Variants in CPEB2 observed in about 807,000 individuals in gnomAD.
CPEB2 encodes the protein cytoplasmic polyadenylation element binding protein 2.
In CPEB2, 56 loss-of-function variants were observed where a neutral mutation model predicts 93.6. The observed-to-expected ratio is 0.60, with a 90% confidence interval of 0.48 to 0.75. CPEB2 has a LOEUF of 0.75. Ranked by LOEUF, CPEB2 falls within the 30% of genes least tolerant of loss-of-function variation. CPEB2 has a pLI of 0.00. For synonymous variants in CPEB2, 764 were observed against 586.3 expected, an observed-to-expected ratio of 1.30 and a Z score of -4.38; for missense variants, 1,579 against 1,395.1, an observed-to-expected ratio of 1.13 and a Z score of -2.10.
At chr4:15,006,833 A>G (rs1238549209) in intron 1 of CPEB2, among the ~76,000 whole-genome samples, 1 of 152,200 alleles carries the variant, frequency 6.6e-6, no homozygotes, top group Non-Finnish European at 1.5e-5. Context: ...TAGTAGTGCA[A>G]CTTGTTTTGG....
Position 15,003,723 on chromosome 4 carries a change from G to GGGCGGC in CPEB2, c.1065_1070dup (p.Gly359_Gly360dup), listed in dbSNP as rs527630065. The GGGCGGC allele has an allele frequency of 6.8e-4, 890 of 1,305,802 alleles. 4 individuals are homozygous for GGGCGGC. The highest frequency in any genetic ancestry group is 4.3e-3 in the East Asian group (133 of 30,808). The allele number at this position is 1,305,802 out of a possible 1,614,324, so 80.9% of individuals were successfully genotyped here. A position where few individuals can be genotyped will look rare whatever the true frequency, so the allele number is the denominator to read the frequency against. ...TGCAGAGCCCGGACCTTCCACACCC[G>GGGCGGC]GGCGGCGGCGGCGGCGGCGGGGGCG... On this transcript the variant is annotated inframe_insertion, in exon 1 of 12. Coordinates refer to ENST00000538197, the MANE Select transcript of CPEB2 (RefSeq NM_001177382.2).
chr4:15,063,424 CTT>C (rs1729395104), intron 11 of CPEB2, among the ~76,000 whole-genome samples: 1 of 151,096 alleles, frequency 6.6e-6, no homozygotes, highest in African/African-American at 2.4e-5. Flanking sequence ...GCATACGTAA[CTT>C]TTCTGAACTT....
chr4:15,043,142 C>G (rs1045468996), intron 6 of CPEB2, among the ~76,000 whole-genome samples: 2 of 152,144 alleles, frequency 1.3e-5, no homozygotes, highest in African/African-American at 4.8e-5. Flanking sequence ...AAACTGTTTT[C>G]ATTTAAAAGA....
rs1405559060 is a variant in CPEB2, at chr4:15,068,742, TTCTTA to T, written c.*2363_*2367del. The T allele has an allele frequency of 1.1e-4, 17 of 152,252 alleles. No homozygotes were observed. The highest frequency in any genetic ancestry group is 1.2e-4 in the Non-Finnish European group (8 of 67,814). 9.4% of individuals were successfully genotyped at this position (152,252 alleles called of 1,614,324 possible). On this transcript the variant is annotated 3_prime_UTR_variant, in exon 12 of 12. Transcript: ENST00000538197. ...TGGAGATGTTGAAAATCATTTTCCCTTCTTAAACAGAAATAAATATTTGGAATGAA... is the reference window on the plus strand; with the variant it reads ...TGGAGATGTTGAAAATCATTTTCCCTAACAGAAATAAATATTTGGAATGAA...
intron 1 of CPEB2, chr4:15,005,116 G>A (rs1159253968): frequency 1.3e-5 from 2 of 152,244 alleles, no homozygotes; most frequent in African/African-American, 4.8e-5. Context: ...CCTCCTCGCA[G>A]GACCTGGTTC....
intron 6 of CPEB2, among the ~76,000 whole-genome samples, chr4:15,041,685 G>A (rs528600909): frequency 1.1e-4 from 16 of 152,120 alleles, no homozygotes; most frequent in Admixed American, 1.0e-3. Context: ...TTACAGGCAT[G>A]AGCCACCTAT....
At position 15,052,995 on chromosome 4, in the gene CPEB2, G is replaced by GTT. The variant is rs368259075; in HGVS notation, c.2371+413_2371+414dup. On this transcript the variant is annotated intron_variant, in intron 7 of 11. Coordinates refer to ENST00000538197, the MANE Select transcript of CPEB2 (RefSeq NM_001177382.2). ...TATCTGCAATGCTTGGTAATCAAAA[G>GTT]TTTATTTTTATTTTTATTTATTTAT... Among the ~76,000 whole-genome samples the GTT allele has an allele frequency of 7.4e-3, 1,124 of 151,292 alleles. 13 individuals are homozygous for GTT. Among genetic ancestry groups the GTT allele is most frequent in the African/African-American group, 0.026 (1,071 of 41,274 alleles).
chr4:15,058,123 T>C (rs1326939788), intron 8 of CPEB2, among the ~76,000 whole-genome samples: 1 of 152,202 alleles, frequency 6.6e-6, no homozygotes, highest in Non-Finnish European at 1.5e-5. Context: ...GATTTTTTTC[T>C]TCTGTAAAAC....
Position 15,066,249 on chromosome 4 carries a change from G to A in CPEB2, c.2974G>A (p.Val992Ile), listed in dbSNP as rs760294887. The A allele has an allele frequency of 1.9e-6, 3 of 1,613,548 alleles. No homozygotes were observed. In the South Asian group the frequency reaches 3.3e-5, roughly 18 times the overall value. Residue 992 changes from valine to isoleucine, a missense_variant, in exon 12 of 12, where the codon GTC (valine) becomes ATC (isoleucine). Around this residue, in one of 2 missense-constraint regions of CPEB2, gnomAD observed 168 missense variants for 339.1 expected, o/e 0.50. Transcript: ENST00000538197. Reference protein sequence around the residue: ...GKFAPFFCANVTCLQYYCEFC... With the variant: ...GKFAPFFCANITCLQYYCEFC... ...ATTTGCTCCCTTTTTTTGTGCCAAT[G>A]TCACTTGCCTGCAGTATTACTGTGA...
intron 3 of CPEB2, among the ~76,000 whole-genome samples, chr4:15,012,134 A>T (rs1454825329): frequency 6.6e-6 from 1 of 152,260 alleles, no homozygotes; most frequent in Non-Finnish European, 1.5e-5. Flanking sequence ...TTTGTAAACC[A>T]GATGAACTTC....
At chr4:15,043,916 C>A (rs149173271) in intron 6 of CPEB2, among the ~76,000 whole-genome samples, 1 of 151,926 alleles carries the variant, frequency 6.6e-6, no homozygotes, top group African/African-American at 2.4e-5. Flanking sequence ...TTCAGACTTA[C>A]GTGCTATAAT....
chr4:15,024,563 A>G (rs1159899014), intron 4 of CPEB2, among the ~76,000 whole-genome samples: 2 of 151,794 alleles, frequency 1.3e-5, no homozygotes, highest in African/African-American at 4.8e-5. Context: ...GTTATTTTTC[A>G]TGCCTGTGGT....
intron 3 of CPEB2, among the ~76,000 whole-genome samples, chr4:15,009,979 G>A (rs1723269410): frequency 6.6e-6 from 1 of 152,300 alleles, no homozygotes; most frequent in Non-Finnish European, 1.5e-5. Flanking sequence ...TAGGAAAAAT[G>A]ATTTTGGTGC....
intron 5 of CPEB2, among the ~76,000 whole-genome samples, chr4:15,034,204 G>C (rs755846980): frequency 6.6e-6 from 1 of 152,120 alleles, no homozygotes; most frequent in African/African-American, 2.4e-5. Context: ...GTTGTCTAGC[G>C]CATGCCAGTC....
chr4:15,032,235 CT>C (rs1418381007), intron 4 of CPEB2, among the ~76,000 whole-genome samples: 1 of 152,088 alleles, frequency 6.6e-6, no homozygotes, highest in Non-Finnish European at 1.5e-5. Flanking sequence ...CTAGGTGGGA[CT>C]ACAAGCATGA....
At chr4:15,009,281 G>A (rs1723185535) in intron 3 of CPEB2, among the ~76,000 whole-genome samples, 1 of 152,138 alleles carries the variant, frequency 6.6e-6, no homozygotes. Flanking sequence ...TACAAGTAAG[G>A]ACATAAACAG....
chr4:15,062,446 T>A (rs1384378005), intron 11 of CPEB2, among the ~76,000 whole-genome samples, 186 bp downstream of exon 11: 1 of 152,070 alleles, frequency 6.6e-6, no homozygotes, highest in African/African-American at 2.4e-5. Flanking sequence ...ACTTTAGATA[T>A]AATGTAAAAA....
At chr4:15,041,771 AC>A (rs1182655474) in intron 6 of CPEB2, among the ~76,000 whole-genome samples, 1 of 152,110 alleles carries the variant, frequency 6.6e-6, no homozygotes, top group Non-Finnish European at 1.5e-5. Flanking sequence ...AACAAGCAAA[AC>A]CATTTGCCAC....
intron 2 of CPEB2, 64 bp downstream of exon 2, chr4:15,007,650 G>C: frequency 1.9e-6 from 2 of 1,027,640 alleles, no homozygotes; most frequent in South Asian, 2.8e-5. Flanking sequence ...GAGTTGGGTG[G>C]TGGTGGTAGT....
Sources: gnomAD v4.1 joint callset for allele counts (sites outside exome capture counted in the v4.1 genomes callset) on GRCh38, gnomAD v4.1.1 for gene constraint, gnomAD v4.1.1 regional missense constraint, MANE v1.5 for transcripts, NCBI Gene and HGNC (gene_info 2026-07-23, HGNC 2026-07-21) for gene names.